Variants in STPG2 observed in about 807,000 individuals in gnomAD.
The protein encoded by STPG2 is sperm tail PG-rich repeat containing 2.
In STPG2, 56 loss-of-function variants were observed where a neutral mutation model predicts 54.2. That is an observed-to-expected ratio of 1.03 (90% CI 0.83 to 1.29). STPG2 has a LOEUF of 1.29. STPG2 is among the 50% of genes most tolerant of loss of function. The pLI, the probability that STPG2 is intolerant of heterozygous loss-of-function variation, is 0.00. For synonymous variants in STPG2, 200 were observed against 181.8 expected, an observed-to-expected ratio of 1.10 and a Z score of -0.81; for missense variants, 596 against 544.9, an observed-to-expected ratio of 1.09 and a Z score of -0.93.
intron 9 of STPG2, among the ~76,000 whole-genome samples, chr4:97,824,524 C>A (rs906728086): frequency 1.3e-5 from 2 of 152,056 alleles, no homozygotes; most frequent in Admixed American, 1.3e-4. Flanking sequence ...AAGAGGGGTA[C>A]CTTAGGATAG....
At chr4:97,849,763 A>G (rs1729091171) in intron 8 of STPG2, among the ~76,000 whole-genome samples, 1 of 151,570 alleles carries the variant, frequency 6.6e-6, no homozygotes, top group Non-Finnish European at 1.5e-5. Context: ...TTAAAAAGTC[A>G]GGAAACAACA....
rs778199597 is a variant in STPG2, at chr4:98,143,121, T to A, written c.30A>T (p.Lys10Asn). Residue 10 changes from lysine to asparagine, a missense_variant, in exon 1 of 11, where the codon AAA becomes AAT. Physicochemically the swap from Lys to Asn is moderately conservative, Grantham distance 94. Transcript: ENST00000295268. The part of the protein sequence containing the change: MYDRAPRLL[K>N]LAEGGSTEAH... ...CCTCAGTGCTGCCACCTTCAGCCAA[T>A]TTGAGCAGGCGGGGAGCCCGATCAT... 9 of 1,613,728 alleles carry A rather than the reference T, an allele frequency of 5.6e-6. No homozygotes were observed. The South Asian group carries it at 9.9e-5, about 18-fold the overall frequency.
chr4:97,923,770 G>A, intron 8 of STPG2, among the ~76,000 whole-genome samples: 1 of 152,190 alleles, frequency 6.6e-6, no homozygotes, highest in East Asian at 1.9e-4. Context: ...CTAGCTCAGG[G>A]TTTGTAAACC....
In STPG2 at chr4:97,921,054, C is replaced by T. The variant is rs76034507; in HGVS notation, c.1044+22843G>A. Among the ~76,000 whole-genome samples the T allele has an allele frequency of 6.8e-3, 1,038 of 152,234 alleles. 6 individuals are homozygous for T. The highest frequency in any genetic ancestry group is 9.1e-3 in the African/African-American group (378 of 41,550). ...GACATTACAGCACCTGGGTGTAACACAGAAATAATAAAAGATGCATTGAGG... is the reference window on the plus strand; with the variant it reads ...GACATTACAGCACCTGGGTGTAACATAGAAATAATAAAAGATGCATTGAGG... On this transcript the variant is annotated intron_variant, in intron 8 of 10. Transcript: ENST00000295268.
At chr4:98,096,636 T>C (rs1217546181) in intron 5 of STPG2, among the ~76,000 whole-genome samples, 2 of 151,910 alleles carry the variant, frequency 1.3e-5, no homozygotes, top group Admixed American at 1.3e-4. Context: ...TAGAAATAAA[T>C]GAATTTGAAA....
intron 5 of STPG2, among the ~76,000 whole-genome samples, chr4:98,075,134 C>T (rs944298572): frequency 6.6e-6 from 1 of 152,134 alleles, no homozygotes; most frequent in East Asian, 1.9e-4. Flanking sequence ...TGTTTACCAG[C>T]GTCCCTCTTT....
At chr4:97,879,929 C>T (rs1215444490) in intron 8 of STPG2, among the ~76,000 whole-genome samples, 1 of 152,122 alleles carries the variant, frequency 6.6e-6, no homozygotes, top group Non-Finnish European at 1.5e-5. Context: ...ACCATATTAT[C>T]CAGCAATCCC....
intron 8 of STPG2, among the ~76,000 whole-genome samples, chr4:97,923,091 GGCAGCCCTC>G (rs954735650): frequency 3.9e-5 from 6 of 152,250 alleles, no homozygotes; most frequent in African/African-American, 1.4e-4. Context: ...ACAGCGTGCT[GGCAGCCCTC>G]GCAGCCCTCG....
intron 9 of STPG2, among the ~76,000 whole-genome samples, chr4:97,732,076 A>G (rs1447488441): frequency 6.6e-6 from 1 of 151,904 alleles, no homozygotes; most frequent in Non-Finnish European, 1.5e-5. Context: ...TAGGAAAGAC[A>G]GCCCTGCTCT....
intron 9 of STPG2, among the ~76,000 whole-genome samples, chr4:97,839,618 C>T (rs973419564): frequency 6.6e-6 from 1 of 151,464 alleles, no homozygotes; most frequent in African/African-American, 2.4e-5. Context: ...AGTTTGAATC[C>T]TACTTCACAG....
At chr4:97,853,743 C>A (rs1227561194) in intron 8 of STPG2, among the ~76,000 whole-genome samples, 1 of 152,114 alleles carries the variant, frequency 6.6e-6, no homozygotes, top group Non-Finnish European at 1.5e-5. Flanking sequence ...TAGGCTGTTT[C>A]CCCTGTTGTA....
At chr4:98,001,721 C>T (rs1206262365) in intron 5 of STPG2, among the ~76,000 whole-genome samples, 2 of 152,114 alleles carry the variant, frequency 1.3e-5, no homozygotes, top group Admixed American at 6.6e-5. Context: ...TCATGCTTAT[C>T]CTCAGGAGCA....
chr4:97,687,617 G>A (rs1036358399), intron 10 of STPG2, among the ~76,000 whole-genome samples: 3 of 152,170 alleles, frequency 2.0e-5, no homozygotes, highest in African/African-American at 7.2e-5. Context: ...TGGGATTACA[G>A]GCATGAGCCA....
chr4:97,603,993 G>A (rs1036213898), intron 10 of STPG2, among the ~76,000 whole-genome samples: 24 of 151,690 alleles, frequency 1.6e-4, no homozygotes, highest in Admixed American at 3.9e-4. Context: ...ATATTGCACC[G>A]CAATTGAAAA....
At chr4:97,501,538 C>G (rs1730725420) in intron 4 of STPG2, among the ~76,000 whole-genome samples, 1 of 151,396 alleles carries the variant, frequency 6.6e-6, no homozygotes, top group South Asian at 2.1e-4. Flanking sequence ...AAAAAATACA[C>G]AAAAGAAATT....
At chr4:97,861,694 G>C in intron 8 of STPG2, among the ~76,000 whole-genome samples, 1 of 152,128 alleles carries the variant, frequency 6.6e-6, no homozygotes, top group East Asian at 1.9e-4. Flanking sequence ...TACCCACAAA[G>C]AGAAGCCCAT....
At chr4:97,850,456 A>AT (rs142275693) in intron 8 of STPG2, among the ~76,000 whole-genome samples, 257 of 150,590 alleles carry the variant, frequency 1.7e-3, no homozygotes, top group African/African-American at 5.7e-3. Context: ...TAATTTTACC[A>AT]TTTTTTTTTG....
At chr4:97,954,740 G>A (rs549297036) in intron 7 of STPG2, among the ~76,000 whole-genome samples, 2 of 152,246 alleles carry the variant, frequency 1.3e-5, no homozygotes, top group Admixed American at 6.5e-5. Context: ...CCTTGCAGAG[G>A]AAAGTGTGAA....
At chr4:97,764,760 C>T (rs1160172336) in intron 9 of STPG2, among the ~76,000 whole-genome samples, 1 of 152,066 alleles carries the variant, frequency 6.6e-6, no homozygotes, top group African/African-American at 2.4e-5. Context: ...CCTTATTCCT[C>T]CCCACAAGAG....
Sources: allele counts gnomAD v4.1 joint callset (sites outside exome capture counted in the v4.1 genomes callset), GRCh38; gene constraint gnomAD v4.1.1; transcripts MANE v1.5; gene names NCBI Gene and HGNC (gene_info 2026-07-23, HGNC 2026-07-21).